Variants in GPC3 observed in about 807,000 individuals in gnomAD.
GPC3 encodes glypican 3, also known as glypican-3.
A neutral mutation model predicts 34.4 loss-of-function variants in GPC3; 3 were observed. The observed-to-expected ratio is 0.09, with a 90% confidence interval of 0.04 to 0.23. GPC3 has a LOEUF of 0.23. Among genes scored for constraint, GPC3 ranks in the 10% least tolerant of loss-of-function variants. The pLI is 1.00. For synonymous variants in GPC3, 177 were observed against 174.0 expected, an observed-to-expected ratio of 1.02 and a Z score of -0.13; for missense variants, 351 against 445.6, an observed-to-expected ratio of 0.79 and a Z score of 1.91.
intron 7 of GPC3, among the ~76,000 whole-genome samples, chrX:133,565,536 G>T (rs2124295190): frequency 8.9e-6 from 1 of 112,184 alleles, no homozygotes; most frequent in South Asian, 3.7e-4. Flanking sequence ...TGGCTGCATT[G>T]AATTCTTGCT....
At chrX:133,866,911 T>C (rs1034826257) in intron 2 of GPC3, among the ~76,000 whole-genome samples, 1 of 110,820 alleles carries the variant, frequency 9.0e-6, no homozygotes, top group African/African-American at 3.3e-5. Context: ...AATAAGATCA[T>C]TTACAGCCAA....
At chrX:133,641,270 G>A (rs752932488) in intron 6 of GPC3, among the ~76,000 whole-genome samples, 1 of 110,632 alleles carries the variant, frequency 9.0e-6, no homozygotes, top group South Asian at 3.9e-4. Context: ...GAGTTCAGGA[G>A]TTTGAGACCA....
intron 2 of GPC3, among the ~76,000 whole-genome samples, chrX:133,950,907 A>G (rs947576766): frequency 9.0e-6 from 1 of 110,824 alleles, no homozygotes; most frequent in African/African-American, 3.3e-5. Flanking sequence ...GAATGAGAAG[A>G]GGGAGTGAAA....
intron 2 of GPC3, among the ~76,000 whole-genome samples, chrX:133,808,734 G>A (rs1269663219): frequency 2.0e-5 from 2 of 101,406 alleles, no homozygotes; most frequent in Non-Finnish European, 3.9e-5. Context: ...AAAGTGCCCA[G>A]GACATGAGTA....
intron 2 of GPC3, among the ~76,000 whole-genome samples, chrX:133,823,563 CATA>C (rs949326406): frequency 9.0e-5 from 10 of 111,405 alleles, no homozygotes; most frequent in African/African-American, 2.9e-4. Flanking sequence ...TAAATACAAA[CATA>C]ATAATTTCTG....
intron 3 of GPC3, among the ~76,000 whole-genome samples, chrX:133,709,632 A>G: frequency 8.9e-6 from 1 of 111,961 alleles, no homozygotes; most frequent in Admixed American, 9.5e-5. Context: ...ACTGTGGTTA[A>G]TGTTTTGTCT....
At chrX:133,650,518 AG>A (rs1335338574) in intron 6 of GPC3, among the ~76,000 whole-genome samples, 1 of 110,837 alleles carries the variant, frequency 9.0e-6, no homozygotes, top group Non-Finnish European at 1.9e-5. Context: ...TTTTCCATTC[AG>A]TCACTTTGAG....
chrX:133,632,468 TA>T (rs750717835), intron 6 of GPC3, among the ~76,000 whole-genome samples: 1 of 111,562 alleles, frequency 9.0e-6, no homozygotes, highest in Non-Finnish European at 1.9e-5. Context: ...GTAGTAGGAT[TA>T]GGGGTAGATT....
intron 2 of GPC3, among the ~76,000 whole-genome samples, chrX:133,819,413 T>C (rs2075708520): frequency 9.2e-6 from 1 of 109,157 alleles, no homozygotes; most frequent in Non-Finnish European, 1.9e-5. Context: ...TGACATAGAG[T>C]ACAATATCAG....
chrX:133,813,961 G>A (rs2075676976), intron 2 of GPC3, among the ~76,000 whole-genome samples: 1 of 111,958 alleles, frequency 8.9e-6, no homozygotes, highest in East Asian at 2.8e-4. Flanking sequence ...TTTCCAGGAG[G>A]GGATTTCAAT....
chrX:133,887,371 T>C (rs1297303619), intron 2 of GPC3, among the ~76,000 whole-genome samples: 1 of 112,487 alleles, frequency 8.9e-6, no homozygotes, highest in Non-Finnish European at 1.9e-5. Context: ...TTCTGACAGA[T>C]GTGAGGTGCT....
intron 7 of GPC3, 104 bp downstream of exon 7, chrX:133,596,336 G>A (rs1178281807): frequency 1.4e-6 from 1 of 712,807 alleles, no homozygotes; most frequent in Non-Finnish European, 2.2e-6. Context: ...GAGATTGTGT[G>A]TTGCAGGGAA....
intron 7 of GPC3, among the ~76,000 whole-genome samples, chrX:133,583,693 T>C (rs1041402644): frequency 8.9e-6 from 1 of 112,180 alleles, no homozygotes; most frequent in Non-Finnish European, 1.9e-5. Context: ...TCTAGTCAAA[T>C]ACCTTCAAAG....
At chrX:133,597,274 C>T (rs1350675994) in intron 6 of GPC3, among the ~76,000 whole-genome samples, 2 of 111,712 alleles carry the variant, frequency 1.8e-5, no homozygotes, top group African/African-American at 3.3e-5. Context: ...CAATGCATTA[C>T]GAATTTCACG....
At chrX:133,832,627 C>T (rs2075780595) in intron 2 of GPC3, among the ~76,000 whole-genome samples, 1 of 111,424 alleles carries the variant, frequency 9.0e-6, no homozygotes, top group Non-Finnish European at 1.9e-5. Context: ...GCTGGTCTCT[C>T]TCCACTCATT....
At chrX:133,897,722 C>T (rs2076124708) in intron 2 of GPC3, among the ~76,000 whole-genome samples, 1 of 111,167 alleles carries the variant, frequency 9.0e-6, no homozygotes, top group Admixed American at 9.6e-5. Flanking sequence ...TCACTTTAGC[C>T]TCAAATAAAC....
rs140071298 is a variant in GPC3 at position 133,633,522 on chromosome X, G to A, written c.1413+28208C>T. ...AGTTCTGATACATGAAAATAAAGTG[G>A]ACCTTAAGTGTGATTGCCTGCTATA... is the stretch of plus-strand genomic sequence containing the variant. On this transcript the variant is annotated intron_variant, in intron 6 of 7. Transcript: ENST00000370818. 9.8e-5 allele frequency among the ~76,000 whole-genome samples: 11 copies of A among 112,080 alleles called. No homozygotes were observed. The East Asian group carries it at 3.1e-3, about 32-fold the overall frequency.
intron 3 of GPC3, among the ~76,000 whole-genome samples, chrX:133,717,812 C>T (rs936805359): frequency 9.0e-6 from 1 of 111,286 alleles, no homozygotes; most frequent in African/African-American, 3.3e-5. Context: ...AAAAACATCA[C>T]CCAAGAACTC....
rs759083251 is a variant in GPC3, at chrX:133,565,281, G to A, written c.1574-28988C>T. Among the ~76,000 whole-genome samples, 7 of 111,195 alleles carry A rather than the reference G, an allele frequency of 6.3e-5. No homozygotes were observed. In the South Asian group the frequency reaches 2.3e-3, roughly 37 times the overall value. On this transcript the variant is annotated intron_variant, in intron 7 of 7. Coordinates refer to ENST00000370818, the MANE Select transcript of GPC3 (RefSeq NM_004484.4). ...CAACAGCTGCTCTCTCCTGACCCCC[G>A]CAATAGCCCAGAAGGAATGAATAAA... is the stretch of plus-strand genomic sequence containing the variant.
Sources: allele counts gnomAD v4.1 joint callset (sites outside exome capture counted in the v4.1 genomes callset), GRCh38; gene constraint gnomAD v4.1.1; transcripts MANE v1.5; gene names NCBI Gene and HGNC (gene_info 2026-07-23, HGNC 2026-07-21).